Variants in TRIML2 observed in about 807,000 individuals in gnomAD.
The protein encoded by TRIML2 is tripartite motif family like 2, also known as probable E3 ubiquitin-protein ligase TRIML2.
In TRIML2, 28 loss-of-function variants were observed where a neutral mutation model predicts 31.2. The observed-to-expected ratio is 0.90, with a 90% CI of 0.66 to 1.23. TRIML2 has a LOEUF of 1.23. TRIML2 is among the 50% of genes most tolerant of loss of function. The pLI is 0.00. For synonymous variants in TRIML2, 187 were observed against 197.5 expected, an observed-to-expected ratio of 0.95 and a Z score of 0.45; for missense variants, 536 against 528.3, an observed-to-expected ratio of 1.01 and a Z score of -0.14.
At position 188,100,961 on chromosome 4, in the gene TRIML2, G is replaced by A. The variant is rs994024842; in HGVS notation, c.480+95C>T. On this transcript the variant is annotated intron_variant, in intron 4 of 7. Transcript: ENST00000682553. ...ATATAATTCATTTAATACATGTGTG[G>A]TTGTCACTGGCTATGTTATTTTGGA... is the stretch of plus-strand genomic sequence containing the variant. 6 of 1,133,654 alleles carry A rather than the reference G, an allele frequency of 5.3e-6. No individual in the cohort carries two copies. The Admixed American group carries it at 1.7e-4, about 31-fold the overall frequency. The allele number at this position is 1,133,654 out of a possible 1,614,324, so 70.2% of individuals were successfully genotyped here. A position where few individuals can be genotyped will look rare whatever the true frequency, so the allele number is the denominator to read the frequency against.
rs1733232317 is a variant in TRIML2 at position 188,091,272 on chromosome 4, T to A, written c.*101A>T. 1 of 1,137,274 alleles carries A rather than the reference T, an allele frequency of 8.8e-7. No homozygotes were observed. Among genetic ancestry groups the A allele is most frequent in the African/African-American group, 1.6e-5 (1 of 64,032 alleles). The allele number at this position is 1,137,274 out of a possible 1,614,324, so 70.4% of individuals were successfully genotyped here. A position where few individuals can be genotyped will look rare whatever the true frequency, so the allele number is the denominator to read the frequency against. On this transcript the variant is annotated 3_prime_UTR_variant, in exon 8 of 8. Coordinates refer to ENST00000682553, the MANE Select transcript of TRIML2 (RefSeq NM_173553.4). The stretch of plus-strand genomic sequence containing the variant: ...TCTGGATATTAAATCAGGCTCCTAC[T>A]CCTGGAACGCTTTTTATTGGGTTAG...
chr4:188,091,449 G>A lies in TRIML2; in HGVS notation c.1238C>T (p.Pro413Leu), dbSNP rs200942791. The A allele has an allele frequency of 1.5e-5, 25 of 1,614,126 alleles. No homozygotes were observed. The highest frequency in any genetic ancestry group is 2.7e-5 in the African/African-American group (2 of 75,034). The change falls in exon 8 of 8, where the codon CCA becomes CTA. Residue 413 changes from proline to leucine, a missense_variant. Physicochemically the swap from Pro to Leu is moderately conservative, Grantham distance 98 (BLOSUM62 -3). Transcript: ENST00000682553. ...GGAGTCTGGACTTGTGTCTCCATTT[G>A]GGATACAGAGGGAAAACACAGGCCT... The part of the protein sequence containing the change: ...ALRPVFSLCI[P>L]NGDTSPDSLT...
intron 1 of TRIML2, among the ~76,000 whole-genome samples, chr4:188,108,506 T>A (rs1311646458): frequency 6.6e-6 from 1 of 152,188 alleles, no homozygotes; most frequent in African/African-American, 2.4e-5. Flanking sequence ...AATACTATTT[T>A]AAAACCAAAA....
chr4:188,102,228 G>A (rs1733829260), intron 3 of TRIML2, among the ~76,000 whole-genome samples: 1 of 151,930 alleles, frequency 6.6e-6, no homozygotes, highest in Non-Finnish European at 1.5e-5. Flanking sequence ...CATTGGAAAA[G>A]GGCCAATGGG....
chr4:188,103,881 A>G (rs1359480436), intron 3 of TRIML2, among the ~76,000 whole-genome samples: 1 of 152,120 alleles, frequency 6.6e-6, no homozygotes, highest in Non-Finnish European at 1.5e-5. Flanking sequence ...GATCGGTTGA[A>G]AAATCCTTAC....
chr4:188,101,813 A>G (rs1733802614), intron 3 of TRIML2, among the ~76,000 whole-genome samples: 1 of 151,992 alleles, frequency 6.6e-6, no homozygotes, highest in African/African-American at 2.4e-5. Flanking sequence ...ATTTTAGAAC[A>G]TAAAATGCAG....
intron 1 of TRIML2, chr4:188,106,114 A>ATC (rs1281693495): frequency 1.1e-3 from 168 of 151,460 alleles, no homozygotes; most frequent in African/African-American, 4.0e-3. Flanking sequence ...CGGTGGCGCG[A>ATC]TCTCGGCTCC....
rs780474292 is a variant in TRIML2 at position 188,091,434 on chromosome 4, CT to C, written c.1252del (p.Ser418ValfsTer47). 4.3e-6 allele frequency: 7 copies of C among 1,614,042 alleles called. No individual in the cohort carries two copies. In the South Asian group the frequency reaches 7.7e-5, roughly 18 times the overall value. On this transcript the variant is annotated frameshift_variant, in exon 8 of 8. Coordinates refer to ENST00000682553, the MANE Select transcript of TRIML2 (RefSeq NM_173553.4). LOFTEE classifies it low-confidence loss of function (END_TRUNC). ...FSLCIPNGDTSPDSLTILQHG... is the reference protein window; with the variant it reads ...FSLCIPNGDTXPDSLTILQHG... ...TTGTAAGATGGTGAGGGAGTCTGGA[CT>C]TGTGTCTCCATTTGGGATACAGAGG...
In TRIML2 at chr4:188,104,053, G is replaced by A. The variant is rs536552274; in HGVS notation, c.285+784C>T. Among the ~76,000 whole-genome samples the A allele has an allele frequency of 1.5e-3, 221 of 152,306 alleles. 2 individuals are homozygous for A. In the Middle Eastern group the frequency reaches 0.017, roughly 12 times the overall value. ...AGAAGTGAAATATGCCTAACAGGTG[G>A]TGAACCCTCAAATCTGAATAGCTAT... On this transcript the variant is annotated intron_variant, in intron 3 of 7. Coordinates refer to ENST00000682553, the MANE Select transcript of TRIML2 (RefSeq NM_173553.4).
chr4:188,106,682 C>T lies in TRIML2; in HGVS notation c.-222-1092G>A, dbSNP rs1579186993. 3.7e-5 allele frequency: 6 copies of T among 161,340 alleles called. No homozygotes were observed. The South Asian group carries it at 9.1e-4, about 24-fold the overall frequency. The allele number at this position is 161,340 out of a possible 1,614,324, so 10.0% of individuals were successfully genotyped here. A position where few individuals can be genotyped will look rare whatever the true frequency, so the allele number is the denominator to read the frequency against. ...TTCGCCCCGGAAGATCTATCGTGCT[C>T]CTGGCAGGCGCGTCCCTGCAGGGCG... On this transcript the variant is annotated intron_variant, in intron 1 of 7. Coordinates refer to ENST00000682553, the MANE Select transcript of TRIML2 (RefSeq NM_173553.4).
chr4:188,108,889 G>C (rs1318197524), intron 1 of TRIML2, among the ~76,000 whole-genome samples: 1 of 151,954 alleles, frequency 6.6e-6, no homozygotes, highest in African/African-American at 2.4e-5. Context: ...TTTACTTGTG[G>C]GTCACTCTCC....
chr4:188,103,745 A>T (rs1733907009), intron 3 of TRIML2, among the ~76,000 whole-genome samples: 1 of 152,212 alleles, frequency 6.6e-6, no homozygotes, highest in African/African-American at 2.4e-5. Context: ...TGCAAGTTCC[A>T]CGAAAGCAGA....
chr4:188,108,034 T>G (rs2111196094), intron 1 of TRIML2, among the ~76,000 whole-genome samples: 1 of 152,288 alleles, frequency 6.6e-6, no homozygotes, highest in South Asian at 2.1e-4. Context: ...CAGCAGCAGT[T>G]AACATAGCTG....
rs1399846545 is a variant in TRIML2, at chr4:188,105,197, C to T, written c.172G>A (p.Ala58Thr). The T allele has an allele frequency of 1.3e-6, 2 of 1,599,418 alleles. No homozygotes were observed. Among genetic ancestry groups the T allele is most frequent in the Admixed American group, 3.3e-5 (2 of 59,812 alleles). ...ACTCTTACCCTGTAATTCTCAGCAG[C>T]CTCTTGTATCCCACACACCATGTGA... ...KHHMVCGIQEAAENYRKLFQE... is the reference protein window; with the variant it reads ...KHHMVCGIQETAENYRKLFQE... Residue 58 changes from alanine (A) to threonine (T), a missense_variant, in exon 2 of 8, where the codon GCT becomes ACT. Transcript: ENST00000682553.
chr4:188,092,084 G>A, intron 7 of TRIML2, 143 bp from the exon 8 acceptor site: 2 of 786,462 alleles, frequency 2.5e-6, no homozygotes, highest in Admixed American at 2.9e-5. Flanking sequence ...GGAGGGTCCA[G>A]GAAAAGGAAC....
chr4:188,103,372 G>A (rs1293357067), intron 3 of TRIML2, among the ~76,000 whole-genome samples: 1 of 152,108 alleles, frequency 6.6e-6, no homozygotes, highest in African/African-American at 2.4e-5. Context: ...GTTAAATCAT[G>A]TCAGCCTTCT....
chr4:188,100,050 C>G (rs55953276), intron 4 of TRIML2, among the ~76,000 whole-genome samples: 1,542 of 152,162 alleles, frequency 0.01, 9 homozygotes, highest in Middle Eastern at 0.02. Flanking sequence ...TTACTTTATT[C>G]TTGGAGAACA....
At position 188,099,796 on chromosome 4, in the gene TRIML2, C is replaced by T. The variant is rs74856253; in HGVS notation, c.481-621G>A. The stretch of plus-strand genomic sequence containing the variant: ...GCACCTAAAACATTTCATGTTTTTT[C>T]TGTGGCTGTTTGTTCAGAAGGTTCC... On this transcript the variant is annotated intron_variant, in intron 4 of 7. Transcript: ENST00000682553. 1.2e-4 allele frequency among the ~76,000 whole-genome samples: 18 copies of T among 152,214 alleles called. No homozygotes were observed. The East Asian group carries it at 2.3e-3, about 20-fold the overall frequency.
chr4:188,094,400 G>A (rs1733409296), intron 7 of TRIML2, among the ~76,000 whole-genome samples: 2 of 152,138 alleles, frequency 1.3e-5, no homozygotes, highest in South Asian at 4.1e-4. Flanking sequence ...GAAATCCACT[G>A]TCTAATGAGT....
Sources: allele counts gnomAD v4.1 joint callset (sites outside exome capture counted in the v4.1 genomes callset), GRCh38; gene constraint gnomAD v4.1.1; transcripts MANE v1.5; gene names NCBI Gene and HGNC (gene_info 2026-07-23, HGNC 2026-07-21).